RHOA: variants seen among roughly 807,000 people sequenced by gnomAD.
The protein encoded by RHOA is ras homolog family member A, also known as transforming protein RhoA.
Under a neutral mutation model 17.5 loss-of-function variants are expected in RHOA, and 3 were observed. The observed-to-expected ratio is 0.17, with a 90% confidence interval of 0.08 to 0.44. The LOEUF (loss-of-function observed/expected upper bound fraction) is 0.44. RHOA is among the 20% of genes least tolerant of loss of function. RHOA has a pLI of 0.99. For missense variants in RHOA, 56 were observed against 242.3 expected, an observed-to-expected ratio of 0.23 and a Z score of 5.10; for synonymous variants, 98 against 88.4, an observed-to-expected ratio of 1.11 and a Z score of -0.61.
rs989228209 is a variant in RHOA, at chr3:49,380,719, T to TAAA, written c.-2-5131_-2-5129dup. 4.8e-5 allele frequency among the ~76,000 whole-genome samples: 6 copies of TAAA among 125,118 alleles called. No individual in the cohort carries two copies. In the South Asian group the frequency reaches 1.4e-3, roughly 28 times the overall value. 82.1% of individuals were successfully genotyped at this position (125,118 alleles called of 152,430 possible). On this transcript the variant is annotated intron_variant, in intron 1 of 4. Coordinates refer to ENST00000418115, the MANE Select transcript of RHOA (RefSeq NM_001664.4). ...ATAATAATAATAATAATAATAATAA[T>TAAA]AAATACTCATTATCAAAACTATATT... is the stretch of plus-strand genomic sequence containing the variant.
intron 1 of RHOA, among the ~76,000 whole-genome samples, chr3:49,411,115 A>G: frequency 6.6e-6 from 1 of 152,158 alleles, no homozygotes; most frequent in East Asian, 1.9e-4. Flanking sequence ...TTCATGCAAC[A>G]TCGCTTAAAT....
Position 49,368,647 on chromosome 3 carries a change from T to C in RHOA, c.157-99A>G, listed in dbSNP as rs2878298. 584,537 of 1,272,802 alleles carry C rather than the reference T, an allele frequency of 0.46. 145,747 individuals carry two copies. The highest frequency in any genetic ancestry group is 0.93 in the East Asian group (40,078 of 42,952). 78.8% of individuals were successfully genotyped at this position (1,272,802 alleles called of 1,614,324 possible). The stretch of plus-strand genomic sequence containing the variant: ...CATAGTACATTGAAATGGCAGACCA[T>C]TGAAATGGCAGACGGTCTAAAACAG... On this transcript the variant is annotated intron_variant, in intron 2 of 4. Coordinates refer to ENST00000418115, the MANE Select transcript of RHOA (RefSeq NM_001664.4).
Position 49,404,561 on chromosome 3 carries a change from G to A in RHOA, c.-3+7259C>T, listed in dbSNP as rs1247077228. 3.7e-5 allele frequency among the ~76,000 whole-genome samples: 5 copies of A among 136,002 alleles called. No individual in the cohort carries two copies. In the South Asian group the frequency reaches 1.2e-3, roughly 33 times the overall value. 89.2% of individuals were successfully genotyped at this position (136,002 alleles called of 152,430 possible). A position where few individuals can be genotyped will look rare whatever the true frequency, so the allele number is the denominator to read the frequency against. ...TGGTAGGCAGAGATTGCAGTGAGCCGAGATTGTGCCACTACACTCCAGCTT... is the reference window on the plus strand; with the variant it reads ...TGGTAGGCAGAGATTGCAGTGAGCCAAGATTGTGCCACTACACTCCAGCTT... On this transcript the variant is annotated intron_variant, in intron 1 of 4. Transcript: ENST00000418115.
chr3:49,393,215 T>C lies in RHOA; in HGVS notation c.-2-17624A>G, dbSNP rs1293486290. Among the ~76,000 whole-genome samples, 3 of 151,992 alleles carry C rather than the reference T, an allele frequency of 2.0e-5. No homozygotes were observed. In the East Asian group the frequency reaches 5.8e-4, roughly 29 times the overall value. On this transcript the variant is annotated intron_variant, in intron 1 of 4. Transcript: ENST00000418115. Reference sequence around the variant, plus strand: ...TATTTTAAAGATAAATTCTAAGTGCTCCCATCCATCTTTTACGCTTCCTTC... The same window carrying C: ...TATTTTAAAGATAAATTCTAAGTGCCCCCATCCATCTTTTACGCTTCCTTC...
chr3:49,390,618 T>C (rs2048484480), intron 1 of RHOA, among the ~76,000 whole-genome samples: 1 of 152,074 alleles, frequency 6.6e-6, no homozygotes, highest in Non-Finnish European at 1.5e-5. Flanking sequence ...TTTGAACCAG[T>C]CAACATGTAA....
chr3:49,390,707 T>C (rs1325465521), intron 1 of RHOA, among the ~76,000 whole-genome samples: 1 of 152,146 alleles, frequency 6.6e-6, no homozygotes, highest in East Asian at 1.9e-4. Context: ...CAAGGAAAAT[T>C]TACAAATTTT....
In RHOA at chr3:49,359,835, C is replaced by T. The variant is rs1285844110; in HGVS notation, c.*374G>A. 3.9e-6 allele frequency: 1 copy of T among 253,432 alleles called. No individual in the cohort carries two copies. 15.7% of individuals were successfully genotyped at this position (253,432 alleles called of 1,614,324 possible). Reference sequence around the variant, plus strand: ...CCTGAAGTGGTGACTCACCAGAGTACCTTGCAGCTGACAGATAATAGGCAG... The same window carrying T: ...CCTGAAGTGGTGACTCACCAGAGTATCTTGCAGCTGACAGATAATAGGCAG... On this transcript the variant is annotated 3_prime_UTR_variant, in exon 5 of 5. Transcript: ENST00000418115.
At chr3:49,405,257 C>CAAAAAAA (rs56912055) in intron 1 of RHOA, among the ~76,000 whole-genome samples, 4 of 110,020 alleles carry the variant, frequency 3.6e-5, no homozygotes, top group African/African-American at 1.2e-4. Context: ...GACTGTGTCT[C>CAAAAAAA]AAAAAAAAAA....
At chr3:49,360,893 G>C (rs944644370) in intron 4 of RHOA, 5 of 328,148 alleles carry the variant, frequency 1.5e-5, no homozygotes, top group Non-Finnish European at 2.4e-5. Flanking sequence ...GGCCAACATG[G>C]TGAAACCCCT....
At position 49,390,279 on chromosome 3, in the gene RHOA, C is replaced by A. The variant is rs1259667108; in HGVS notation, c.-2-14688G>T. ...CCTTCTGAGTAGCTGGGACTACAGG[C>A]ACCCGCCACCACGCCCAGCTAATTT... On this transcript the variant is annotated intron_variant, in intron 1 of 4. Transcript: ENST00000418115. Among the ~76,000 whole-genome samples, 4 of 152,172 alleles carry A rather than the reference C, an allele frequency of 2.6e-5. No individual in the cohort carries two copies. The East Asian group carries it at 7.8e-4, about 30-fold the overall frequency.
intron 1 of RHOA, among the ~76,000 whole-genome samples, chr3:49,400,136 C>T (rs34937635): frequency 0.44 from 65,528 of 149,308 alleles, 15,571 homozygotes; most frequent in East Asian, 0.93. Flanking sequence ...CGCTTGAACC[C>T]GGGAGGCGGA....
chr3:49,406,755 CT>C (rs1246628988), intron 1 of RHOA: 1 of 151,838 alleles, frequency 6.6e-6, no homozygotes, highest in Non-Finnish European at 1.5e-5. Context: ...AGGAGGACAA[CT>C]TGAGCCCAGG....
intron 1 of RHOA, among the ~76,000 whole-genome samples, chr3:49,376,596 TC>T (rs759153512): frequency 7.4e-6 from 1 of 135,150 alleles, no homozygotes; most frequent in African/African-American, 2.9e-5. Context: ...TGAGCCAAGA[TC>T]GGGCCACTGC....
In RHOA at chr3:49,401,041, CAAAAAAA is replaced by C. The variant is rs57354041; in HGVS notation, c.-3+10772_-3+10778del. On this transcript the variant is annotated intron_variant, in intron 1 of 4. Transcript: ENST00000418115. ...AGCCTGGGCGACAGAGACTCCGTCT[CAAAAAAA>C]AAAAAAAAAAAAAGAGTTAATTTCC... is the stretch of plus-strand genomic sequence containing the variant. Among the ~76,000 whole-genome samples, 6 of 67,582 alleles carry C rather than the reference CAAAAAAA, an allele frequency of 8.9e-5. 1 individual carries two copies. The South Asian group carries it at 3.1e-3, about 35-fold the overall frequency. 44.3% of individuals were successfully genotyped at this position (67,582 alleles called of 152,430 possible). A position where few individuals can be genotyped will look rare whatever the true frequency, so the allele number is the denominator to read the frequency against.
chr3:49,400,648 G>A (rs945897718), intron 1 of RHOA, among the ~76,000 whole-genome samples: 1 of 151,958 alleles, frequency 6.6e-6, no homozygotes, highest in Non-Finnish European at 1.5e-5. Flanking sequence ...TTGAGCCCAG[G>A]AGTTCAAGGC....
chr3:49,368,352 G>T, intron 3 of RHOA, 76 bp downstream of exon 3: 1 of 1,541,538 alleles, frequency 6.5e-7, no homozygotes, highest in Non-Finnish European at 8.9e-7. Flanking sequence ...CTGCTTTTCA[G>T]CCACTTGATG....
chr3:49,360,215 G>A lies in RHOA; in HGVS notation c.576C>T (p.Val192=), dbSNP rs200481823. 6.2e-7 allele frequency: 1 copy of A among 1,613,264 alleles called. No homozygotes were observed. The highest frequency in any genetic ancestry group is 2.2e-5 in the East Asian group (1 of 44,874). The change falls in exon 5 of 5, where the codon GTC becomes GTT. Residue 192 remains valine, a synonymous_variant. Transcript: ENST00000418115. ...RRGKKKSGCL[V]L is the part of the protein sequence containing the mutation. ...CTGTGCTTGCAGCAAGGTTTCACAA[G>A]ACAAGGCACCCAGATTTTTTCTTCC...
At chr3:49,407,557 C>T (rs1236047070) in intron 1 of RHOA, among the ~76,000 whole-genome samples, 1 of 152,064 alleles carries the variant, frequency 6.6e-6, no homozygotes, top group Non-Finnish European at 1.5e-5. Context: ...TATATTTGTC[C>T]AAATTATCAT....
chr3:49,401,818 T>C (rs974404775), intron 1 of RHOA, among the ~76,000 whole-genome samples: 1 of 152,160 alleles, frequency 6.6e-6, no homozygotes, highest in African/African-American at 2.4e-5. Flanking sequence ...AATCCAAAAA[T>C]TGAAAGTCTG....
Sources: gnomAD v4.1 joint callset for allele counts (sites outside exome capture counted in the v4.1 genomes callset) on GRCh38, gnomAD v4.1.1 for gene constraint, MANE v1.5 for transcripts, NCBI Gene and HGNC (gene_info 2026-07-23, HGNC 2026-07-21) for gene names.